Variants in CSNK1A1 observed in about 807,000 individuals in gnomAD.
The protein encoded by CSNK1A1 is casein kinase 1 alpha 1.
A neutral mutation model predicts 46.1 loss-of-function variants in CSNK1A1; 7 were observed. That is an observed-to-expected ratio of 0.15 (90% CI 0.09 to 0.29). CSNK1A1 has a LOEUF of 0.29. Among genes scored for constraint, CSNK1A1 ranks in the 10% least tolerant of loss-of-function variants. The pLI, the probability that CSNK1A1 is intolerant of heterozygous loss-of-function variation, is 1.00. For missense variants in CSNK1A1, 96 were observed against 417.1 expected (o/e 0.23, Z 6.71); for synonymous variants, 137 against 141.5 (o/e 0.97, Z 0.23).
intron 3 of CSNK1A1, among the ~76,000 whole-genome samples, chr5:149,523,423 AC>A: frequency 6.6e-6 from 1 of 152,222 alleles, no homozygotes; most frequent in South Asian, 2.1e-4. Flanking sequence ...ATTATAGCTC[AC>A]TGTAGCCTGG....
At position 149,550,731 on chromosome 5, in the gene CSNK1A1, T is replaced by A; in HGVS notation, c.123+111A>T. 1 of 1,475,632 alleles carries A rather than the reference T, an allele frequency of 6.8e-7. No individual in the cohort carries two copies. Among genetic ancestry groups the A allele is most frequent in the Non-Finnish European group, 9.2e-7 (1 of 1,084,560 alleles). The allele number at this position is 1,475,632 out of a possible 1,614,324, so 91.4% of individuals were successfully genotyped here. A position where few individuals can be genotyped will look rare whatever the true frequency, so the allele number is the denominator to read the frequency against. ...AGGAAAACTAGCTCCCTGGACTCCC[T>A]GGCGAGTGCGTGCGATGAGGAGAGG... is the stretch of plus-strand genomic sequence containing the variant. On this transcript the variant is annotated intron_variant, in intron 1 of 9. Coordinates refer to ENST00000377843, the MANE Select transcript of CSNK1A1 (RefSeq NM_001892.6). The surrounding 1 kb of genome is among the most constrained non-coding windows in gnomAD (Gnocchi z 4.3).
rs1760615563 is a variant in CSNK1A1 at position 149,495,120 on chromosome 5, TTAA to T, written c.*1730_*1732del. The T allele has an allele frequency of 6.6e-6, 1 of 152,188 alleles. No homozygotes were observed. The highest frequency in any genetic ancestry group is 2.1e-4 in the South Asian group (1 of 4,832). The allele number at this position is 152,188 out of a possible 1,614,324, so 9.4% of individuals were successfully genotyped here. A position where few individuals can be genotyped will look rare whatever the true frequency, so the allele number is the denominator to read the frequency against. ...AGCTGCCTACCCCAGAAGTTCAGAC[TTAA>T]TAAAATTTCTTCAGTATTACGGTAC... On this transcript the variant is annotated 3_prime_UTR_variant, in exon 10 of 10. Transcript: ENST00000377843.
At chr5:149,510,016 T>C in intron 6 of CSNK1A1, 63 bp from the exon 7 acceptor site, 1 of 1,114,318 alleles carries the variant, frequency 9.0e-7, no homozygotes, top group African/African-American at 1.6e-5. Context: ...CATGGTAGTT[T>C]AACGCACTAG....
At chr5:149,511,685 T>A (rs1761228189) in intron 6 of CSNK1A1, 109 bp downstream of exon 6, 1 of 751,852 alleles carries the variant, frequency 1.3e-6, no homozygotes. Flanking sequence ...ATTCTTTATA[T>A]CTCAGAAAAA....
chr5:149,509,800 C>T, intron 7 of CSNK1A1, 79 bp downstream of exon 7: 4 of 1,109,844 alleles, frequency 3.6e-6, no homozygotes, highest in Non-Finnish European at 5.2e-6. Flanking sequence ...CTTGGCCTCC[C>T]AAAGTGCTGG....
At position 149,551,026 on chromosome 5, in the gene CSNK1A1, C is replaced by T; in HGVS notation, c.-62G>A. The T allele has an allele frequency of 6.3e-7, 1 of 1,590,840 alleles. No individual in the cohort carries two copies. The highest frequency in any genetic ancestry group is 1.1e-5 in the South Asian group (1 of 90,538). Reference sequence around the variant, plus strand: ...GACACCTCTGGGAAGAGGACGGAGGCCTCGGGGCTCCTACACTAGGCAAGG... The same window carrying T: ...GACACCTCTGGGAAGAGGACGGAGGTCTCGGGGCTCCTACACTAGGCAAGG... On this transcript the variant is annotated 5_prime_UTR_variant, in exon 1 of 10. Transcript: ENST00000377843.
At chr5:149,498,266 G>A in intron 9 of CSNK1A1, 1 of 985,136 alleles carries the variant, frequency 1.0e-6, no homozygotes, top group Non-Finnish European at 1.2e-6. Flanking sequence ...ATACAAGAGA[G>A]TAGGTGCATA....
At chr5:149,510,232 C>A (rs1198172229) in intron 6 of CSNK1A1, among the ~76,000 whole-genome samples, 2 of 151,970 alleles carry the variant, frequency 1.3e-5, no homozygotes, top group African/African-American at 2.4e-5. Context: ...ATGGCTGGGG[C>A]CAAAATTGAA....
intron 7 of CSNK1A1, among the ~76,000 whole-genome samples, chr5:149,509,266 A>C (rs1348013225): frequency 1.3e-5 from 2 of 152,130 alleles, no homozygotes; most frequent in Non-Finnish European, 2.9e-5. Context: ...TCCTTGTTAA[A>C]GATATTTAGA....
At chr5:149,503,227 G>A (rs916779773) in intron 9 of CSNK1A1, 2 of 985,332 alleles carry the variant, frequency 2.0e-6, no homozygotes, top group Admixed American at 1.2e-4. Flanking sequence ...GCTGGGCTGG[G>A]GGTAGAAGTT....
intron 9 of CSNK1A1, among the ~76,000 whole-genome samples, chr5:149,500,379 C>A (rs1760807131): frequency 6.6e-6 from 1 of 151,690 alleles, no homozygotes. Context: ...CCTTGTGATC[C>A]GCCCGCCTCG....
chr5:149,543,689 C>T (rs1328086257), intron 2 of CSNK1A1, among the ~76,000 whole-genome samples: 2 of 152,090 alleles, frequency 1.3e-5, no homozygotes, highest in Non-Finnish European at 2.9e-5. Flanking sequence ...CGTTCTAAAA[C>T]ATTTGACCTT....
rs1760586792 is a variant in CSNK1A1 at position 149,493,858 on chromosome 5, T to G, written c.*2995A>C. ...CTTGATTTACATGGTTATAACTGCTTAAAAACTGGCAAAGAGAAAACCTAA... is the reference window on the plus strand; with the variant it reads ...CTTGATTTACATGGTTATAACTGCTGAAAAACTGGCAAAGAGAAAACCTAA... On this transcript the variant is annotated 3_prime_UTR_variant, in exon 10 of 10. Transcript: ENST00000377843. 6.6e-6 allele frequency: 1 copy of G among 152,194 alleles called. No homozygotes were observed. The highest frequency in any genetic ancestry group is 6.5e-5 in the Admixed American group (1 of 15,278). The allele number at this position is 152,194 out of a possible 1,614,324, so 9.4% of individuals were successfully genotyped here.
intron 9 of CSNK1A1, chr5:149,501,023 AATTG>A (rs1380683851): frequency 1.0e-6 from 1 of 985,200 alleles, no homozygotes; most frequent in Non-Finnish European, 1.2e-6. Flanking sequence ...ACCTGTTTAT[AATTG>A]ATTCTTTCCC....
chr5:149,497,685 A>AC, intron 9 of CSNK1A1: 2 of 985,484 alleles, frequency 2.0e-6, no homozygotes, highest in South Asian at 9.4e-5. Flanking sequence ...CTCTCACCAG[A>AC]CACCCACTCT....
At chr5:149,502,040 A>G in intron 9 of CSNK1A1, 7 of 982,238 alleles carry the variant, frequency 7.1e-6, no homozygotes, top group Non-Finnish European at 8.5e-6. Flanking sequence ...GAAAAGATCT[A>G]AAGAATATAA....
chr5:149,544,285 G>A (rs1762393932), intron 2 of CSNK1A1, among the ~76,000 whole-genome samples: 1 of 152,212 alleles, frequency 6.6e-6, no homozygotes, highest in Non-Finnish European at 1.5e-5. Flanking sequence ...ACTGACTGTA[G>A]ATGACCCAGT....
Position 149,515,422 on chromosome 5 carries a change from G to A in CSNK1A1, c.457-2213C>T, listed in dbSNP as rs563086447. On this transcript the variant is annotated intron_variant, in intron 4 of 9. Coordinates refer to ENST00000377843, the MANE Select transcript of CSNK1A1 (RefSeq NM_001892.6). ...CTGGAGAGTTCTTTCCTCCCACAACGCTAAAGGAGGAAACCTTATTTATCA... is the reference window on the plus strand; with the variant it reads ...CTGGAGAGTTCTTTCCTCCCACAACACTAAAGGAGGAAACCTTATTTATCA... Among the ~76,000 whole-genome samples, 13 of 152,264 alleles carry A rather than the reference G, an allele frequency of 8.5e-5. No individual in the cohort carries two copies. The East Asian group carries it at 2.3e-3, about 27-fold the overall frequency.
intron 2 of CSNK1A1, among the ~76,000 whole-genome samples, chr5:149,541,705 G>A (rs1408161467): frequency 6.6e-6 from 1 of 152,004 alleles, no homozygotes; most frequent in African/African-American, 2.4e-5. Context: ...GCCAGGTGCG[G>A]TGGCTCACGC....
Sources: allele counts gnomAD v4.1 joint callset (sites outside exome capture counted in the v4.1 genomes callset), GRCh38; gene constraint gnomAD v4.1.1; non-coding constraint Gnocchi (gnomAD v3.1); transcripts MANE v1.5; gene names NCBI Gene and HGNC (gene_info 2026-07-23, HGNC 2026-07-21).